CDH17: variants seen among roughly 807,000 people sequenced by gnomAD.
The protein encoded by CDH17 is cadherin-17.
Under a neutral mutation model 86.3 loss-of-function variants are expected in CDH17, and 67 were observed. That is an observed-to-expected ratio of 0.78 (90% CI 0.64 to 0.95). CDH17 has a LOEUF of 0.95. Among genes scored for constraint, CDH17 ranks in the 40% least tolerant of loss-of-function variants. CDH17 has a pLI of 0.00. For synonymous variants in CDH17, 367 were observed against 366.4 expected, an observed-to-expected ratio of 1.00 and a Z score of -0.02; for missense variants, 993 against 1,017.6, an observed-to-expected ratio of 0.98 and a Z score of 0.33.
chr8:94,186,697 T>C (rs532287418), intron 3 of CDH17, among the ~76,000 whole-genome samples: 5 of 152,358 alleles, frequency 3.3e-5, no homozygotes, highest in African/African-American at 1.2e-4. Context: ...CGTTGAACTA[T>C]TGAAAACAGT....
rs949894191 is a variant in CDH17, at chr8:94,140,266, T to A, written c.2167+5662A>T. On this transcript the variant is annotated intron_variant, in intron 15 of 17. Coordinates refer to ENST00000027335, the MANE Select transcript of CDH17 (RefSeq NM_004063.4). ...GTGTGACCCCCATCTCTACAAAAAA[T>A]TTAAAAATAAAAAATTAGCCAAGTG... Among the ~76,000 whole-genome samples, 9 of 151,652 alleles carry A rather than the reference T, an allele frequency of 5.9e-5. No homozygotes were observed. The South Asian group carries it at 1.9e-3, about 32-fold the overall frequency.
chr8:94,148,843 G>A lies in CDH17; in HGVS notation c.1828C>T (p.Leu610Phe), dbSNP rs1586242184. The change falls in exon 14 of 18, where the codon CTT becomes TTT. Residue 610 changes from leucine to phenylalanine, a missense_variant. Coordinates refer to ENST00000027335, the MANE Select transcript of CDH17 (RefSeq NM_004063.4). ...TCACCAGTCACGTGGTCAATTTTAA[G>A]CCAACCTCTTGTGTCTCCCCTCAGT... ...YSLRGDTRGW[L>F]KIDHVTGEIF... is the part of the protein sequence containing the mutation. The A allele has an allele frequency of 1.2e-6, 2 of 1,607,644 alleles. No homozygotes were observed. The highest frequency in any genetic ancestry group is 1.7e-6 in the Non-Finnish European group (2 of 1,177,446).
At chr8:94,178,476 T>C (rs1042977855) in intron 3 of CDH17, among the ~76,000 whole-genome samples, 1 of 152,102 alleles carries the variant, frequency 6.6e-6, no homozygotes, top group East Asian at 1.9e-4. Flanking sequence ...CTATACATAA[T>C]TTACCCTAAG....
chr8:94,142,639 C>T (rs1586236256), intron 15 of CDH17, among the ~76,000 whole-genome samples: 1 of 152,230 alleles, frequency 6.6e-6, no homozygotes, highest in African/African-American at 2.4e-5. Context: ...TTCTCAAACA[C>T]TGCCACTGTT....
chr8:94,142,335 A>G (rs996814352), intron 15 of CDH17, among the ~76,000 whole-genome samples: 14 of 152,220 alleles, frequency 9.2e-5, no homozygotes, highest in Non-Finnish European at 2.1e-4. Context: ...CTAAAAATAA[A>G]AAACCCCTAA....
chr8:94,209,199 T>A (rs1814084051), upstream of CDH17, among the ~76,000 whole-genome samples: 1 of 152,134 alleles, frequency 6.6e-6, no homozygotes, highest in South Asian at 2.1e-4. Context: ...AACAACTTAT[T>A]TTTCCCCAAT....
chr8:94,152,095 T>A lies in CDH17; in HGVS notation c.1569A>T (p.Thr523=). 2 of 1,614,108 alleles carry A rather than the reference T, an allele frequency of 1.2e-6. No homozygotes were observed. Among genetic ancestry groups the A allele is most frequent in the Non-Finnish European group, 1.7e-6 (2 of 1,179,966 alleles). Residue 523 remains threonine (T), a synonymous_variant, in exon 13 of 18, where the codon ACA becomes ACT. Coordinates refer to ENST00000027335, the MANE Select transcript of CDH17 (RefSeq NM_004063.4). ...TGAACACAATGTTGGAAACAGCTGC[T>A]GTTTCAAAATCAAGAGGCTGTGTAG... ...VIIKKPLDFE[T]AAVSNIVFKA... is the part of the protein sequence containing the mutation.
chr8:94,156,761 A>T (rs1048866022), intron 12 of CDH17, among the ~76,000 whole-genome samples: 13 of 152,196 alleles, frequency 8.5e-5, no homozygotes, highest in African/African-American at 3.1e-4. Flanking sequence ...AGCTCTAATT[A>T]ATTAGAATCA....
intron 15 of CDH17, among the ~76,000 whole-genome samples, chr8:94,139,674 AG>A (rs1420882524): frequency 1.2e-4 from 19 of 152,034 alleles, no homozygotes; most frequent in Non-Finnish European, 2.6e-4. Context: ...AGGCTGGGGC[AG>A]GCAGATTACT....
chr8:94,193,779 G>A (rs1352441190), intron 2 of CDH17, among the ~76,000 whole-genome samples: 1 of 152,092 alleles, frequency 6.6e-6, no homozygotes, highest in Non-Finnish European at 1.5e-5. Context: ...ATTTCCCCCG[G>A]GAGGAAGGCT....
chr8:94,173,434 C>T (rs950094218), intron 7 of CDH17, among the ~76,000 whole-genome samples: 7 of 152,200 alleles, frequency 4.6e-5, no homozygotes, highest in Non-Finnish European at 1.0e-4. Context: ...CCTGCTCCCC[C>T]TTTGCCTTCT....
At position 94,130,780 on chromosome 8, in the gene CDH17, T is replaced by G. The variant is rs1337095222; in HGVS notation, c.2285-41A>C. ...GTATTTGGTAGGATAAATTCTCAAG[T>G]GAATAGTTGCAGAATCCCATATCAA... On this transcript the variant is annotated intron_variant, in intron 16 of 17. Coordinates refer to ENST00000027335, the MANE Select transcript of CDH17 (RefSeq NM_004063.4). 3 of 1,551,374 alleles carry G rather than the reference T, an allele frequency of 1.9e-6. No homozygotes were observed. The South Asian group carries it at 3.3e-5, about 17-fold the overall frequency.
At chr8:94,171,229 C>T (rs949251538) in intron 7 of CDH17, among the ~76,000 whole-genome samples, 1 of 151,932 alleles carries the variant, frequency 6.6e-6, no homozygotes, top group African/African-American at 2.4e-5. Flanking sequence ...CTTCACAAAC[C>T]CTCTACAGGG....
At chr8:94,177,528 C>T in intron 4 of CDH17, 59 bp downstream of exon 4, 1 of 1,586,320 alleles carries the variant, frequency 6.3e-7, no homozygotes, top group Non-Finnish European at 8.6e-7. Context: ...GCCATACTTC[C>T]AGAACAAAGG....
chr8:94,178,871 G>A (rs1399234359), intron 3 of CDH17, among the ~76,000 whole-genome samples: 1 of 152,000 alleles, frequency 6.6e-6, no homozygotes, highest in Non-Finnish European at 1.5e-5. Context: ...TGAACATGTT[G>A]CTATTTTGTG....
intron 4 of CDH17, 101 bp from the exon 5 acceptor site, chr8:94,176,780 T>C: frequency 1.7e-6 from 2 of 1,193,854 alleles, no homozygotes; most frequent in Non-Finnish European, 2.4e-6. Context: ...ACCAATGGCC[T>C]GGTGACTGTA....
At chr8:94,198,472 C>T (rs150977400) in intron 1 of CDH17, among the ~76,000 whole-genome samples, 212 of 152,310 alleles carry the variant, frequency 1.4e-3, no homozygotes, top group Non-Finnish European at 2.1e-3. Flanking sequence ...TTAAGTCTAA[C>T]AAACTAGTTT....
At chr8:94,211,517 T>C (rs1739286307), upstream of CDH17, among the ~76,000 whole-genome samples, 1 of 152,174 alleles carries the variant, frequency 6.6e-6, no homozygotes, top group African/African-American at 2.4e-5. Flanking sequence ...TTAACCATGT[T>C]GGCCAGTCTG....
Position 94,128,259 on chromosome 8 carries a change from A to G in CDH17, c.2480T>C (p.Val827Ala). The G allele has an allele frequency of 6.2e-7, 1 of 1,612,168 alleles. No individual in the cohort carries two copies. Among genetic ancestry groups the G allele is most frequent in the South Asian group, 1.1e-5 (1 of 91,002 alleles). The stretch of plus-strand genomic sequence containing the variant: ...TCAAATTCAGCTTCTCAGAGGTTTG[A>G]CTTCAGATGCTTGAGCACTTTCAAC... ...DNVESAQASE[V>A]KPLRS The change falls in exon 18 of 18, where the codon GTC becomes GCC. Residue 827 changes from valine to alanine, a missense_variant. Val to Ala is a moderately conservative substitution (Grantham distance 64). Transcript: ENST00000027335.
Sources: allele counts gnomAD v4.1 joint callset (sites outside exome capture counted in the v4.1 genomes callset), GRCh38; gene constraint gnomAD v4.1.1; transcripts MANE v1.5; gene names NCBI Gene and HGNC (gene_info 2026-07-23, HGNC 2026-07-21).